Variants in PTPRD observed in about 807,000 individuals in gnomAD.
PTPRD encodes receptor-type tyrosine-protein phosphatase delta.
A neutral mutation model predicts 214.5 loss-of-function variants in PTPRD; 34 were observed. The observed-to-expected ratio is 0.16, with a 90% CI of 0.12 to 0.21. The LOEUF (loss-of-function observed/expected upper bound fraction) is 0.21, where lower values mean the gene tolerates loss of function less well. Among genes scored for constraint, PTPRD ranks in the 10% least tolerant of loss-of-function variants. PTPRD has a pLI of 1.00. For missense variants in PTPRD, 2,545 were observed against 2,398.7 expected (o/e 1.06, Z -1.27); for synonymous variants, 1,128 against 845.7 (o/e 1.33, Z -5.79).
At chr9:8,706,186 G>C (rs959004356) in intron 12 of PTPRD, among the ~76,000 whole-genome samples, 6 of 152,004 alleles carry the variant, frequency 3.9e-5, no homozygotes, top group African/African-American at 1.2e-4. Flanking sequence ...TAAAAAAAAA[G>C]AAAACTGCCT....
intron 11 of PTPRD, among the ~76,000 whole-genome samples, chr9:8,830,027 C>A (rs769909584): frequency 2.0e-5 from 3 of 152,006 alleles, no homozygotes; most frequent in Admixed American, 2.0e-4. Flanking sequence ...AGATTAAATA[C>A]CAAAGTTTGA....
chr9:9,709,477 C>A (rs2097686909), intron 7 of PTPRD, among the ~76,000 whole-genome samples: 4 of 152,016 alleles, frequency 2.6e-5, no homozygotes, highest in Middle Eastern at 3.4e-3. Context: ...CAATAAAAAA[C>A]TAAAAATAAA....
intron 8 of PTPRD, among the ~76,000 whole-genome samples, chr9:9,548,044 T>A (rs536716573): frequency 1.3e-5 from 2 of 152,164 alleles, no homozygotes; most frequent in East Asian, 3.9e-4. Context: ...GTCCAATATT[T>A]TTTATCCAGC....
chr9:9,126,130 ATTTTAGGAGCAATGGAAACTC>A (rs2099832647), intron 10 of PTPRD, among the ~76,000 whole-genome samples: 1 of 152,218 alleles, frequency 6.6e-6, no homozygotes, highest in South Asian at 2.1e-4. Flanking sequence ...TTAGGCTTTT[ATTTTAGGAGCAATGGAAACTC>A]TTTGTAGGAT....
chr9:10,420,404 A>T (rs1300539997), intron 2 of PTPRD, among the ~76,000 whole-genome samples: 1 of 151,880 alleles, frequency 6.6e-6, no homozygotes, highest in Non-Finnish European at 1.5e-5. Flanking sequence ...GACATAATTC[A>T]CCTTGACTTA....
chr9:9,463,529 T>C (rs1346372014), intron 8 of PTPRD, among the ~76,000 whole-genome samples: 3 of 152,060 alleles, frequency 2.0e-5, no homozygotes, highest in Non-Finnish European at 4.4e-5. Context: ...AGTATGTAAT[T>C]AGAAGTTTAG....
intron 3 of PTPRD, among the ~76,000 whole-genome samples, chr9:10,039,537 C>T (rs1238677237): frequency 1.3e-5 from 2 of 152,038 alleles, no homozygotes; most frequent in East Asian, 1.9e-4. Flanking sequence ...TTCAAACACA[C>T]TTTAATTTCC....
chr9:10,113,261 A>C (rs957602294), intron 3 of PTPRD, among the ~76,000 whole-genome samples: 1 of 152,190 alleles, frequency 6.6e-6, no homozygotes, highest in African/African-American at 2.4e-5. Flanking sequence ...CAACCACCCT[A>C]TGAATTATAT....
At chr9:8,776,092 C>A (rs2095460966) in intron 11 of PTPRD, among the ~76,000 whole-genome samples, 1 of 152,046 alleles carries the variant, frequency 6.6e-6, no homozygotes, top group African/African-American at 2.4e-5. Context: ...AACAAATGTT[C>A]CCAGAGACTA....
intron 7 of PTPRD, among the ~76,000 whole-genome samples, chr9:9,595,238 T>A (rs552355508): frequency 6.8e-6 from 1 of 147,046 alleles, no homozygotes; most frequent in South Asian, 2.1e-4. Context: ...ACTACTGGGG[T>A]ATCTACCCAG....
At chr9:9,405,307 G>C (rs2072838966) in intron 8 of PTPRD, among the ~76,000 whole-genome samples, 1 of 151,990 alleles carries the variant, frequency 6.6e-6, no homozygotes, top group Admixed American at 6.6e-5. Flanking sequence ...ATGGAAAATT[G>C]CAATGGCTCC....
intron 2 of PTPRD, among the ~76,000 whole-genome samples, chr9:10,511,566 G>GCT (rs1184361974): frequency 1.7e-4 from 15 of 88,606 alleles, no homozygotes; most frequent in Admixed American, 9.9e-5. Context: ...ACCACACCCT[G>GCT]GTATTTTTTT....
At chr9:9,486,966 A>T (rs1247952635) in intron 8 of PTPRD, among the ~76,000 whole-genome samples, 1 of 152,104 alleles carries the variant, frequency 6.6e-6, no homozygotes, top group Non-Finnish European at 1.5e-5. Context: ...CTGTGAAGAG[A>T]TATTTGTCTT....
chr9:8,954,806 C>G (rs2099122681), intron 11 of PTPRD, among the ~76,000 whole-genome samples: 1 of 151,730 alleles, frequency 6.6e-6, no homozygotes, highest in African/African-American at 2.4e-5. Context: ...CTCAAGGTCT[C>G]AATGTAAAGA....
intron 8 of PTPRD, among the ~76,000 whole-genome samples, chr9:9,460,673 G>T (rs765656555): frequency 6.6e-6 from 1 of 151,820 alleles, no homozygotes; most frequent in African/African-American, 2.4e-5. Flanking sequence ...GTAAAAAATA[G>T]CATGTTGGCA....
intron 7 of PTPRD, among the ~76,000 whole-genome samples, chr9:9,629,434 C>G (rs2095522372): frequency 6.6e-6 from 1 of 151,946 alleles, no homozygotes; most frequent in African/African-American, 2.4e-5. Flanking sequence ...TTCCATAGGC[C>G]AGAAAACTGT....
At chr9:9,292,430 T>G (rs11795233) in intron 9 of PTPRD, among the ~76,000 whole-genome samples, 14,825 of 150,884 alleles carry the variant, frequency 0.098, 719 homozygotes, top group Middle Eastern at 0.17. Context: ...TTCTTTCTGT[T>G]AGTTTACCAA....
At chr9:10,121,158 T>C (rs116681410) in intron 3 of PTPRD, among the ~76,000 whole-genome samples, 2,999 of 152,250 alleles carry the variant, frequency 0.02, 86 homozygotes, top group African/African-American at 0.067. Flanking sequence ...AATAAGAGTA[T>C]TGATTATCAG....
At chr9:9,618,741 G>C (rs1332117107) in intron 7 of PTPRD, among the ~76,000 whole-genome samples, 1 of 152,098 alleles carries the variant, frequency 6.6e-6, no homozygotes, top group African/African-American at 2.4e-5. Flanking sequence ...CTGAATTTCA[G>C]GAAAGAATTT....
Sources: allele counts gnomAD v4.1 joint callset (sites outside exome capture counted in the v4.1 genomes callset), GRCh38; gene constraint gnomAD v4.1.1; transcripts MANE v1.5; gene names NCBI Gene and HGNC (gene_info 2026-07-23, HGNC 2026-07-21).